The following ABCA9 variants were observed in gnomAD, a reference collection of about 807,000 sequenced individuals.
ABCA9 encodes the protein ATP-binding cassette sub-family A member 9.
In ABCA9, 183 loss-of-function variants were observed where a neutral mutation model predicts 205.3. That is an observed-to-expected ratio of 0.89 (90% CI 0.79 to 1.01). ABCA9 has a LOEUF of 1.01. Ranked by LOEUF, ABCA9 falls within the 50% of genes least tolerant of loss-of-function variation. The probability of loss-of-function intolerance (pLI) is 0.00; values close to 1 mark genes in which losing one functional copy is unlikely to be tolerated. For synonymous variants in ABCA9, 651 were observed against 683.3 expected (o/e 0.95, Z 0.74); for missense variants, 1,805 against 1,912.4 (o/e 0.94, Z 1.05).
At position 69,026,374 on chromosome 17, in the gene ABCA9, T is replaced by C. The variant is rs2070984953; in HGVS notation, c.2141+3A>G. 6.2e-7 allele frequency: 1 copy of C among 1,611,796 alleles called. No homozygotes were observed. Among genetic ancestry groups the C allele is most frequent in the African/African-American group, 1.3e-5 (1 of 74,866 alleles). ...AACACGTCTCCAACATTCAGGGCTG[T>C]ACCTTAAATGGTAGCCTATGCCCCA... On this transcript the variant is annotated splice_donor_region_variant and intron_variant, in intron 16 of 38. Transcript: ENST00000340001.
In ABCA9 at chr17:69,059,669, AT is replaced by A. The variant is rs11380738; in HGVS notation, c.-14+1196del. 9.1e-3 allele frequency among the ~76,000 whole-genome samples: 1,307 copies of A among 143,572 alleles called. 12 individuals are homozygous for A. Among genetic ancestry groups the A allele is most frequent in the African/African-American group, 0.02 (787 of 39,066 alleles). The allele number at this position is 143,572 out of a possible 152,430, so 94.2% of individuals were successfully genotyped here. ...GTTCTAAACCATTAAGTTTGTGGTC[AT>A]TTTTTTTTTTTTTACAGCAGCAATA... On this transcript the variant is annotated intron_variant, in intron 1 of 38. Coordinates refer to ENST00000340001, the MANE Select transcript of ABCA9 (RefSeq NM_080283.4).
At chr17:68,992,853 G>A (rs547358040) in intron 27 of ABCA9, among the ~76,000 whole-genome samples, 163 bp downstream of exon 27, 1 of 117,950 alleles carries the variant, frequency 8.5e-6, no homozygotes, top group Non-Finnish European at 1.6e-5. Flanking sequence ...AAAAGCCATC[G>A]TGTGTGTGTG....
At chr17:69,035,880 G>T in intron 6 of ABCA9, 79 bp from the exon 7 acceptor site, 1 of 1,493,454 alleles carries the variant, frequency 6.7e-7, no homozygotes, top group Admixed American at 2.0e-5. Context: ...CAAATGATTT[G>T]TGAAGCTCAC....
At chr17:68,999,734 G>A (rs1387787039) in intron 25 of ABCA9, among the ~76,000 whole-genome samples, 2 of 152,140 alleles carry the variant, frequency 1.3e-5, no homozygotes, top group African/African-American at 4.8e-5. Context: ...CTCGTTTATA[G>A]TCCCACCAAC....
chr17:69,078,449 G>A, the ABCA9 span, among the ~76,000 whole-genome samples: 4 of 152,144 alleles, frequency 2.6e-5, no homozygotes, highest in East Asian at 1.9e-4. Context: ...CACCTGCCTC[G>A]GCCTCCCAAA....
chr17:69,017,032 C>G (rs538718362), intron 21 of ABCA9, among the ~76,000 whole-genome samples: 1 of 152,152 alleles, frequency 6.6e-6, no homozygotes, highest in East Asian at 1.9e-4. Context: ...GATGTTAAAA[C>G]TATTTTACTG....
At chr17:69,077,288 G>T in the ABCA9 span, among the ~76,000 whole-genome samples, 1 of 152,122 alleles carries the variant, frequency 6.6e-6, no homozygotes, top group East Asian at 1.9e-4. Context: ...TCAGGAGAAA[G>T]TTTTTAAATT....
At chr17:69,058,794 C>G (rs2098104) in intron 1 of ABCA9, among the ~76,000 whole-genome samples, 137,834 of 151,454 alleles carry the variant, frequency 0.91, 63,149 homozygotes, top group East Asian at 1. Context: ...AGCCGAGATT[C>G]CGCCACTGCA....
intron 23 of ABCA9, among the ~76,000 whole-genome samples, chr17:69,008,851 G>C (rs2070264042): frequency 6.6e-6 from 1 of 152,158 alleles, no homozygotes; most frequent in African/African-American, 2.4e-5. Flanking sequence ...TGCAGTGATT[G>C]TCATAACACA....
At chr17:68,991,332 A>G (rs886334901) in intron 28 of ABCA9, among the ~76,000 whole-genome samples, 1 of 152,138 alleles carries the variant, frequency 6.6e-6, no homozygotes, top group Non-Finnish European at 1.5e-5. Flanking sequence ...TCTTTGTGAG[A>G]GCCATGAGTC....
At chr17:69,058,799 A>T (rs1598422144) in intron 1 of ABCA9, among the ~76,000 whole-genome samples, 1 of 151,308 alleles carries the variant, frequency 6.6e-6, no homozygotes, top group African/African-American at 2.4e-5. Flanking sequence ...AGATTCCGCC[A>T]CTGCACTCCA....
chr17:69,040,340 T>G (rs748013916), intron 6 of ABCA9, among the ~76,000 whole-genome samples: 1 of 152,122 alleles, frequency 6.6e-6, no homozygotes, highest in African/African-American at 2.4e-5. Context: ...ATTTAAAAAA[T>G]GTGGCACATA....
chr17:69,027,179 G>A, intron 14 of ABCA9, 65 bp from the exon 15 acceptor site: 1 of 1,584,326 alleles, frequency 6.3e-7, no homozygotes, highest in Non-Finnish European at 8.6e-7. Context: ...AAAAAGCACT[G>A]TACTTTTAAA....
rs535728028 is a variant in ABCA9 at position 69,029,100 on chromosome 17, C to G, written c.1504+69G>C. 1.1e-5 allele frequency: 10 copies of G among 913,658 alleles called. No individual in the cohort carries two copies. The East Asian group carries it at 2.8e-4, about 25-fold the overall frequency. 56.6% of individuals were successfully genotyped at this position (913,658 alleles called of 1,614,324 possible). A position where few individuals can be genotyped will look rare whatever the true frequency, so the allele number is the denominator to read the frequency against. ...TGGAATATCTGTGCTTAATCCCTAC[C>G]AAGAAATTACAACAGTAAGGCAGCC... On this transcript the variant is annotated intron_variant, in intron 11 of 38. Transcript: ENST00000340001.
chr17:69,065,057 T>G (rs2072332362), upstream of ABCA9, among the ~76,000 whole-genome samples: 1 of 152,168 alleles, frequency 6.6e-6, no homozygotes, highest in Non-Finnish European at 1.5e-5. Context: ...AAGTTTGAGG[T>G]TTTTTTGTTT....
Position 69,043,417 on chromosome 17 carries a change from G to T in ABCA9, c.800+72C>A, listed in dbSNP as rs977186262. On this transcript the variant is annotated intron_variant, in intron 6 of 38. Coordinates refer to ENST00000340001, the MANE Select transcript of ABCA9 (RefSeq NM_080283.4). ...GTGGCCTGGGGCTTGGGGACCCCTG[G>T]TCTAAGGAGTCAACCAGCTAAGTTG... 15 of 1,305,678 alleles carry T rather than the reference G, an allele frequency of 1.1e-5. No homozygotes were observed. In the African/African-American group the frequency reaches 2.2e-4, roughly 19 times the overall value. 80.9% of individuals were successfully genotyped at this position (1,305,678 alleles called of 1,614,324 possible). A position where few individuals can be genotyped will look rare whatever the true frequency, so the allele number is the denominator to read the frequency against.
Position 69,017,645 on chromosome 17 carries a change from G to A in ABCA9, c.2901+11C>T, listed in dbSNP as rs1293787838. 1.9e-6 allele frequency: 3 copies of A among 1,612,160 alleles called. No individual in the cohort carries two copies. The highest frequency in any genetic ancestry group is 3.3e-5 in the Admixed American group (2 of 59,892). On this transcript the variant is annotated intron_variant, in intron 21 of 38. Transcript: ENST00000340001. ...CCTTTGGTGAAATGCAGCAACTGGAGTCCAGCATACCTTTTCATCACCTGA... is the reference window on the plus strand; with the variant it reads ...CCTTTGGTGAAATGCAGCAACTGGAATCCAGCATACCTTTTCATCACCTGA...
At chr17:68,981,340 A>G (rs1301498930) in intron 37 of ABCA9, among the ~76,000 whole-genome samples, 3 of 151,668 alleles carry the variant, frequency 2.0e-5, no homozygotes, top group African/African-American at 7.3e-5. Flanking sequence ...AAAAAAAGAA[A>G]AAAGAAAGCA....
chr17:69,021,936 A>G, intron 17 of ABCA9, 75 bp from the exon 18 acceptor site: 1 of 1,211,186 alleles, frequency 8.3e-7, no homozygotes. Context: ...AATGTAAAAT[A>G]TTGGTAATAG....
Sources: allele counts gnomAD v4.1 joint callset (sites outside exome capture counted in the v4.1 genomes callset), GRCh38; gene constraint gnomAD v4.1.1; transcripts MANE v1.5; gene names NCBI Gene and HGNC (gene_info 2026-07-23, HGNC 2026-07-21).